ATP2A2: variants seen among roughly 807,000 people sequenced by gnomAD.
ATP2A2 encodes the protein sarcoplasmic/endoplasmic reticulum calcium ATPase 2.
Under a neutral mutation model 109.3 loss-of-function variants are expected in ATP2A2, and 14 were observed. The observed-to-expected ratio is 0.13, with a 90% CI of 0.08 to 0.20. The LOEUF (loss-of-function observed/expected upper bound fraction) is 0.20. ATP2A2 is among the 10% of genes least tolerant of loss of function. ATP2A2 has a pLI of 1.00. For missense variants in ATP2A2, 657 were observed against 1,321.6 expected (o/e 0.50, Z 7.80); for synonymous variants, 506 against 490.9 (o/e 1.03, Z -0.41).
In ATP2A2 at chr12:110,350,080, C is replaced by CT. The variant is rs983742804; in HGVS notation, c.*3611dup. On this transcript the variant is annotated 3_prime_UTR_variant, in exon 20 of 20. Transcript: ENST00000539276. ...TCTGTAGCCAGACGACACGAGGAGTCTGTGTCACTGAGCCAGTGCTTCTAG... is the reference window on the plus strand; with the variant it reads ...TCTGTAGCCAGACGACACGAGGAGTCTTGTGTCACTGAGCCAGTGCTTCTAG... The CT allele has an allele frequency of 3.2e-5, 47 of 1,447,068 alleles. No individual in the cohort carries two copies. In the African/African-American group the frequency reaches 6.6e-4, roughly 20 times the overall value. 89.6% of individuals were successfully genotyped at this position (1,447,068 alleles called of 1,614,324 possible). A position where few individuals can be genotyped will look rare whatever the true frequency, so the allele number is the denominator to read the frequency against.
intron 5 of ATP2A2, among the ~76,000 whole-genome samples, chr12:110,307,223 T>A (rs992244559): frequency 1.3e-3 from 1 of 754 alleles, no homozygotes; most frequent in Non-Finnish European, 4.9e-3. Flanking sequence ...CCCCACCACC[T>A]TTTTTTTTTT....
intron 11 of ATP2A2, 189 bp downstream of exon 11, chr12:110,334,332 G>A (rs2137835057): frequency 1.3e-6 from 1 of 750,912 alleles, no homozygotes; most frequent in East Asian, 2.8e-5. Flanking sequence ...GAAAATAAAA[G>A]CAATCAATAG....
intron 7 of ATP2A2, among the ~76,000 whole-genome samples, chr12:110,326,824 A>G (rs992104372): frequency 5.3e-5 from 8 of 152,250 alleles, no homozygotes; most frequent in Admixed American, 5.2e-4. Context: ...CACAATAAAA[A>G]GGTGCGTGTT....
At chr12:110,288,577 T>A (rs946783846) in intron 3 of ATP2A2, among the ~76,000 whole-genome samples, 16 of 152,078 alleles carry the variant, frequency 1.1e-4, no homozygotes, top group African/African-American at 3.9e-4. Flanking sequence ...GCTAATTTTT[T>A]GTATTTTAGT....
intron 17 of ATP2A2, 88 bp from the exon 18 acceptor site, chr12:110,345,161 C>G (rs895609427): frequency 5.0e-6 from 8 of 1,597,096 alleles, no homozygotes; most frequent in Admixed American, 3.3e-5. Context: ...TGCATTCAGG[C>G]TGGTCTGTGC....
At position 110,286,340 on chromosome 12, in the gene ATP2A2, A is replaced by G. The variant is rs559895280; in HGVS notation, c.219+3545A>G. 4.6e-5 allele frequency among the ~76,000 whole-genome samples: 7 copies of G among 152,328 alleles called. No homozygotes were observed. In the East Asian group the frequency reaches 1.3e-3, roughly 29 times the overall value. ...CAGAAGAGAATACTCAAAGCATTTG[A>G]TACTGGATTTGTAGTGATTTTAATT... On this transcript the variant is annotated intron_variant, in intron 3 of 19. Coordinates refer to ENST00000539276, the MANE Select transcript of ATP2A2 (RefSeq NM_170665.4).
chr12:110,281,984 T>A, intron 1 of ATP2A2, 77 bp downstream of exon 1: 1 of 1,217,416 alleles, frequency 8.2e-7, no homozygotes, highest in Non-Finnish European at 1.1e-6. Context: ...GGGCTCCACC[T>A]CGTGGGCTTC....
At position 110,326,493 on chromosome 12, in the gene ATP2A2, T is replaced by C; in HGVS notation, c.630+18T>C. ...TGTTTTCTGTAAGTACTTTATGAAA[T>C]GTGTTTTTATTTACAGACATTTCCA... On this transcript the variant is annotated intron_variant, in intron 7 of 19. Transcript: ENST00000539276. The C allele has an allele frequency of 1.9e-6, 3 of 1,591,896 alleles. 1 individual carries two copies. In the Middle Eastern group the frequency reaches 5.0e-4, roughly 264 times the overall value.
intron 5 of ATP2A2, among the ~76,000 whole-genome samples, chr12:110,302,883 C>T (rs996353279): frequency 6.6e-6 from 1 of 152,184 alleles, no homozygotes; most frequent in Admixed American, 6.5e-5. Flanking sequence ...AGGCGTGAGC[C>T]ACCGTGCCTG....
chr12:110,312,204 G>A (rs926591433), intron 5 of ATP2A2, among the ~76,000 whole-genome samples: 1 of 151,968 alleles, frequency 6.6e-6, no homozygotes, highest in East Asian at 1.9e-4. Flanking sequence ...AAAAGTTCGG[G>A]GGGTGGGGAG....
intron 6 of ATP2A2, among the ~76,000 whole-genome samples, chr12:110,324,243 T>C (rs1461335665): frequency 6.6e-6 from 1 of 152,184 alleles, no homozygotes; most frequent in Non-Finnish European, 1.5e-5. Context: ...GAGACAGTTA[T>C]ATGAGTAACC....
intron 8 of ATP2A2, 71 bp from the exon 9 acceptor site, chr12:110,332,526 A>G (rs1878439642): frequency 1.5e-6 from 2 of 1,296,932 alleles, no homozygotes; most frequent in Non-Finnish European, 2.2e-6. Flanking sequence ...CTAAGCTAAC[A>G]AAGGTAGTTT....
chr12:110,340,879 A>G lies in ATP2A2; in HGVS notation c.1982A>G (p.Asn661Ser), dbSNP rs1592861305. Residue 661 changes from asparagine (N) to serine (S), a missense_variant, in exon 14 of 20, where the codon AAC becomes AGC. By Grantham distance (46) the Asn-to-Ser change is conservative. Transcript: ENST00000539276. This position sits in a 1 kb window ranked among gnomAD's most constrained non-coding sequence, Gnocchi z 6.0. The stretch of plus-strand genomic sequence containing the variant: ...ACAGGCCGGGAGTTTGATGAACTCA[A>G]CCCCTCCGCCCAGCGAGACGCCTGC... Reference protein sequence around the residue: ...AFTGREFDELNPSAQRDACLN... With the variant: ...AFTGREFDELSPSAQRDACLN... 2.5e-6 allele frequency: 4 copies of G among 1,614,122 alleles called. No individual in the cohort carries two copies. Among genetic ancestry groups the G allele is most frequent in the East Asian group, 2.2e-5 (1 of 44,878 alleles).
In ATP2A2 at chr12:110,339,792, C is replaced by A; in HGVS notation, c.1761+71C>A. The A allele has an allele frequency of 6.7e-7, 1 of 1,492,028 alleles. No homozygotes were observed. The highest frequency in any genetic ancestry group is 9.3e-7 in the Non-Finnish European group (1 of 1,077,278). 92.4% of individuals were successfully genotyped at this position (1,492,028 alleles called of 1,614,324 possible). A position where few individuals can be genotyped will look rare whatever the true frequency, so the allele number is the denominator to read the frequency against. On this transcript the variant is annotated intron_variant, in intron 13 of 19. Transcript: ENST00000539276. This position sits in a 1 kb window ranked among gnomAD's most constrained non-coding sequence, Gnocchi z 4.4. ...TGTGTTTAAACAGTACTCCTTCAAG[C>A]AAAAGGTCAAACAGTTCTCACTTTT...
chr12:110,282,395 A>G (rs528505599), intron 1 of ATP2A2, among the ~76,000 whole-genome samples: 1 of 152,194 alleles, frequency 6.6e-6, no homozygotes, highest in African/African-American at 2.4e-5. Context: ...CATTGATTAC[A>G]AAGAGTGCAT....
In ATP2A2 at chr12:110,333,142, G is replaced by A. The variant is rs113171479; in HGVS notation, c.1185-39G>A. On this transcript the variant is annotated intron_variant, in intron 9 of 19. Transcript: ENST00000539276. ...GGGGGCGGGAGGAATCAATAGTGGC[G>A]ACCATACCCTGCTCTAAGAGTGTTT... The A allele has an allele frequency of 9.0e-5, 139 of 1,546,618 alleles. 1 individual carries two copies. The South Asian group carries it at 1.1e-3, about 12-fold the overall frequency.
At chr12:110,307,983 A>G (rs1290379310) in intron 5 of ATP2A2, among the ~76,000 whole-genome samples, 5 of 152,172 alleles carry the variant, frequency 3.3e-5, no homozygotes. Flanking sequence ...GAGGCCTTAC[A>G]TTTAAGTCTT....
Position 110,346,512 on chromosome 12 carries a change from A to T in ATP2A2, c.*42A>T. 6.2e-7 allele frequency: 1 copy of T among 1,611,834 alleles called. No individual in the cohort carries two copies. The highest frequency in any genetic ancestry group is 8.5e-7 in the Non-Finnish European group (1 of 1,179,230). On this transcript the variant is annotated 3_prime_UTR_variant, in exon 20 of 20. Coordinates refer to ENST00000539276, the MANE Select transcript of ATP2A2 (RefSeq NM_170665.4). The stretch of plus-strand genomic sequence containing the variant: ...AAGAAGATGTTTAACTTAATCAATT[A>T]ATTTTTTTATTGTTTAAAGCAACTG...
chr12:110,342,546 G>T lies in ATP2A2; in HGVS notation c.2318+98G>T. On this transcript the variant is annotated intron_variant, in intron 15 of 19. Transcript: ENST00000539276. This position sits in a 1 kb window ranked among gnomAD's most constrained non-coding sequence, Gnocchi z 4.6. The stretch of plus-strand genomic sequence containing the variant: ...TTGCTCTCCAGATTGCAGCAGCTTT[G>T]GTCTTTGTGCCTGAGTTGGAAGAGG... 3 of 1,390,020 alleles carry T rather than the reference G, an allele frequency of 2.2e-6. No homozygotes were observed. In the South Asian group the frequency reaches 3.7e-5, roughly 17 times the overall value. The allele number at this position is 1,390,020 out of a possible 1,614,324, so 86.1% of individuals were successfully genotyped here.
Sources: allele counts gnomAD v4.1 joint callset (sites outside exome capture counted in the v4.1 genomes callset), GRCh38; gene constraint gnomAD v4.1.1; non-coding constraint Gnocchi (gnomAD v3.1); transcripts MANE v1.5; gene names NCBI Gene and HGNC (gene_info 2026-07-23, HGNC 2026-07-21).